ATF7IP: variants seen among roughly 807,000 people sequenced by gnomAD.
ATF7IP encodes activating transcription factor 7-interacting protein 1.
ATF7IP carries 23 observed loss-of-function variants against 106.4 expected under a neutral mutation model. The ratio of observed to expected loss-of-function variants is 0.22; its 90% confidence interval spans 0.16 to 0.31. The LOEUF is 0.31. ATF7IP is among the 10% of genes least tolerant of loss of function. ATF7IP has a pLI of 1.00. For missense variants in ATF7IP, 1,334 were observed against 1,524.3 expected (o/e 0.88, Z 2.08); for synonymous variants, 542 against 539.0 (o/e 1.01, Z -0.08).
chr12:14,459,780 T>C (rs80328076), intron 8 of ATF7IP, among the ~76,000 whole-genome samples: 5,922 of 152,250 alleles, frequency 0.039, 400 homozygotes, highest in African/African-American at 0.13. Context: ...CCTGTTGCAA[T>C]GAGAATAAAC....
At chr12:14,367,400 T>A (rs1169594043) in intron 1 of ATF7IP, 1 of 152,134 alleles carries the variant, frequency 6.6e-6, no homozygotes, top group Admixed American at 6.5e-5. Context: ...TGACCTGATG[T>A]AATTCTTGGA....
intron 1 of ATF7IP, among the ~76,000 whole-genome samples, chr12:14,380,359 A>C (rs973307361): frequency 1.3e-5 from 2 of 152,160 alleles, no homozygotes; most frequent in Non-Finnish European, 2.9e-5. Context: ...GGAAGATTCA[A>C]AAGTTGATTG....
intron 4 of ATF7IP, among the ~76,000 whole-genome samples, chr12:14,437,814 G>A (rs539200385): frequency 6.6e-6 from 1 of 152,284 alleles, no homozygotes; most frequent in African/African-American, 2.4e-5. Flanking sequence ...AGCACTTTGG[G>A]AGGCCGAGGC....
chr12:14,495,900 A>G (rs184234497), intron 13 of ATF7IP, among the ~76,000 whole-genome samples: 64 of 151,976 alleles, frequency 4.2e-4, no homozygotes, highest in Non-Finnish European at 5.0e-4. Flanking sequence ...CGATCCATTT[A>G]TTTCTCCCTG....
chr12:14,497,640 A>G lies in ATF7IP; in HGVS notation c.3394-14A>G, dbSNP rs780359021. On this transcript the variant is annotated splice_polypyrimidine_tract_variant and intron_variant, in intron 14 of 14. Transcript: ENST00000261168. ...TTTGCAATCATCATTAATCAGTGTG[A>G]CCTGTTTCTTCAGGAGCCCCCACGC... The G allele has an allele frequency of 3.7e-6, 6 of 1,606,806 alleles. No homozygotes were observed. Among genetic ancestry groups the G allele is most frequent in the Admixed American group, 1.7e-5 (1 of 59,380 alleles).
At chr12:14,494,813 A>G (rs1252657526) in intron 13 of ATF7IP, among the ~76,000 whole-genome samples, 3 of 151,434 alleles carry the variant, frequency 2.0e-5, no homozygotes, top group Non-Finnish European at 4.4e-5. Context: ...CAAGCCTGTA[A>G]TCTCACCTAC....
intron 9 of ATF7IP, among the ~76,000 whole-genome samples, chr12:14,462,781 A>G (rs1943692462): frequency 6.6e-6 from 1 of 151,986 alleles, no homozygotes; most frequent in Non-Finnish European, 1.5e-5. Flanking sequence ...ATTAATTGGT[A>G]TAGCATTCTG....
chr12:14,431,196 C>G (rs144344543), intron 2 of ATF7IP, among the ~76,000 whole-genome samples: 88 of 152,264 alleles, frequency 5.8e-4, no homozygotes, highest in African/African-American at 2.1e-3. Flanking sequence ...AGCTATTTCT[C>G]AAAGTGTTTG....
At chr12:14,437,983 G>A (rs1275324963) in intron 4 of ATF7IP, 147 bp from the exon 5 acceptor site, 31 of 602,030 alleles carry the variant, frequency 5.1e-5, no homozygotes, top group Non-Finnish European at 7.5e-5. Flanking sequence ...AACCCGGGAG[G>A]CGGAGCTTGC....
chr12:14,481,498 A>T lies in ATF7IP; in HGVS notation c.3280+313A>T, dbSNP rs185150738. On this transcript the variant is annotated intron_variant, in intron 13 of 14. Coordinates refer to ENST00000261168, the MANE Select transcript of ATF7IP (RefSeq NM_018179.5). Reference sequence around the variant, plus strand: ...ATTCTGCAGTGTATGCATATTTCAAACATGTTGTATACCATAAATATATAT... The same window carrying T: ...ATTCTGCAGTGTATGCATATTTCAATCATGTTGTATACCATAAATATATAT... The T allele has an allele frequency of 2.6e-3, 1,126 of 425,688 alleles. 5 individuals carry two copies. Among genetic ancestry groups the T allele is most frequent in the Middle Eastern group, 0.015 (42 of 2,720 alleles). 26.4% of individuals were successfully genotyped at this position (425,688 alleles called of 1,614,324 possible).
intron 5 of ATF7IP, among the ~76,000 whole-genome samples, chr12:14,441,902 T>A (rs1942730725): frequency 6.6e-6 from 1 of 152,190 alleles, no homozygotes; most frequent in African/African-American, 2.4e-5. Context: ...ATAATGCCTT[T>A]TGATGCACAA....
At chr12:14,492,582 T>A (rs1489734687) in intron 13 of ATF7IP, among the ~76,000 whole-genome samples, 14 of 152,160 alleles carry the variant, frequency 9.2e-5, no homozygotes, top group Admixed American at 9.2e-4. Flanking sequence ...ACCTAGAAGC[T>A]TTCTGGTTGT....
intron 1 of ATF7IP, among the ~76,000 whole-genome samples, chr12:14,416,192 A>G (rs1316220974): frequency 6.6e-6 from 1 of 152,194 alleles, no homozygotes; most frequent in African/African-American, 2.4e-5. Context: ...ACAGTTTTCA[A>G]CTGAGAATGG....
chr12:14,367,026 TG>T (rs1256506761), intron 1 of ATF7IP, among the ~76,000 whole-genome samples: 5 of 152,182 alleles, frequency 3.3e-5, no homozygotes, highest in Admixed American at 6.5e-5. Context: ...GTAACACAAT[TG>T]GGGGAAGTTA....
intron 10 of ATF7IP, among the ~76,000 whole-genome samples, chr12:14,470,117 AC>A (rs1379770994): frequency 1.3e-5 from 2 of 152,214 alleles, no homozygotes; most frequent in Non-Finnish European, 2.9e-5. Context: ...TTGATAACTA[AC>A]CAAGTCTCAA....
At chr12:14,436,274 T>C (rs201915407) in intron 4 of ATF7IP, 23 bp downstream of exon 4, 5 of 1,593,476 alleles carry the variant, frequency 3.1e-6, no homozygotes, top group Non-Finnish European at 4.3e-6. Flanking sequence ...TTATAAGTTA[T>C]AAACCATATT....
intron 6 of ATF7IP, among the ~76,000 whole-genome samples, chr12:14,452,045 GGTGT>G (rs144274911): frequency 6.6e-6 from 1 of 151,088 alleles, no homozygotes; most frequent in African/African-American, 2.4e-5. Flanking sequence ...CTGATGTAGG[GGTGT>G]GTGTGTGTGT....
chr12:14,456,480 G>A (rs1185707833), intron 6 of ATF7IP, 81 bp from the exon 7 acceptor site: 2 of 849,974 alleles, frequency 2.4e-6, no homozygotes, highest in South Asian at 2.8e-5. Context: ...ATATTGACAG[G>A]CATCTACAGG....
chr12:14,475,203 C>T (rs1944216683), intron 10 of ATF7IP, among the ~76,000 whole-genome samples: 2 of 152,130 alleles, frequency 1.3e-5, no homozygotes, highest in Admixed American at 6.5e-5. Flanking sequence ...ACAATAGCCT[C>T]AATATTCAAA....
Sources: allele counts gnomAD v4.1 joint callset (sites outside exome capture counted in the v4.1 genomes callset), GRCh38; gene constraint gnomAD v4.1.1; transcripts MANE v1.5; gene names NCBI Gene and HGNC (gene_info 2026-07-23, HGNC 2026-07-21).